The following MOB3B variants were observed in gnomAD, a reference collection of about 807,000 sequenced individuals.
MOB3B encodes MOB kinase activator 3B.
In MOB3B, 7 loss-of-function variants were observed where a neutral mutation model predicts 18.7. The observed-to-expected ratio is 0.37, with a 90% CI of 0.21 to 0.70. MOB3B has a LOEUF of 0.70. Ranked by LOEUF, MOB3B falls within the 30% of genes least tolerant of loss-of-function variation. The pLI is 0.52. For missense variants in MOB3B, 253 were observed against 281.3 expected, an observed-to-expected ratio of 0.90 and a Z score of 0.72; for synonymous variants, 111 against 99.9, an observed-to-expected ratio of 1.11 and a Z score of -0.66.
At chr9:27,498,373 C>A (rs1215484801) in intron 1 of MOB3B, among the ~76,000 whole-genome samples, 1 of 152,100 alleles carries the variant, frequency 6.6e-6, no homozygotes, top group South Asian at 2.1e-4. Flanking sequence ...ATGAGCTGTG[C>A]GAGACCTTTA....
At chr9:27,450,262 T>C (rs1043190704) in intron 2 of MOB3B, among the ~76,000 whole-genome samples, 9 of 152,158 alleles carry the variant, frequency 5.9e-5, no homozygotes, top group Admixed American at 2.0e-4. Flanking sequence ...ATTCTGGACA[T>C]TATGTAAACT....
At chr9:27,451,727 A>C (rs1429184948) in intron 2 of MOB3B, among the ~76,000 whole-genome samples, 1 of 152,060 alleles carries the variant, frequency 6.6e-6, no homozygotes, top group Non-Finnish European at 1.5e-5. Context: ...TTTCTCATCC[A>C]CCCAGGGTCC....
At chr9:27,374,221 T>C (rs957177081) in intron 2 of MOB3B, among the ~76,000 whole-genome samples, 167 of 133,138 alleles carry the variant, frequency 1.3e-3, no homozygotes, top group African/African-American at 4.2e-3. Flanking sequence ...GAAGTATTTT[T>C]TTTTTTTTTT....
chr9:27,387,438 C>T (rs1316951243), intron 2 of MOB3B, among the ~76,000 whole-genome samples: 1 of 152,168 alleles, frequency 6.6e-6, no homozygotes, highest in Non-Finnish European at 1.5e-5. Flanking sequence ...GGTCACTGCA[C>T]TTCAGTTTCC....
chr9:27,523,785 G>A (rs1820380040), intron 1 of MOB3B, among the ~76,000 whole-genome samples: 1 of 152,108 alleles, frequency 6.6e-6, no homozygotes, highest in African/African-American at 2.4e-5. Context: ...TAACAAAATT[G>A]GAAAAACCTA....
At chr9:27,416,787 C>T (rs543740763) in intron 2 of MOB3B, among the ~76,000 whole-genome samples, 125 of 152,174 alleles carry the variant, frequency 8.2e-4, no homozygotes, top group African/African-American at 3.0e-3. Flanking sequence ...CCTCCTGCCT[C>T]AGCCTCCTGA....
intron 2 of MOB3B, among the ~76,000 whole-genome samples, chr9:27,403,985 T>C (rs1275029555): frequency 1.3e-5 from 2 of 152,226 alleles, no homozygotes; most frequent in African/African-American, 4.8e-5. Flanking sequence ...TGCTAAATTA[T>C]TGTTAACTAT....
At chr9:27,433,573 G>C (rs1822448888) in intron 2 of MOB3B, among the ~76,000 whole-genome samples, 1 of 152,116 alleles carries the variant, frequency 6.6e-6, no homozygotes, top group South Asian at 2.1e-4. Flanking sequence ...TGGGGCCAAG[G>C]ATATCAAATG....
At chr9:27,483,384 G>A (rs1291988477) in intron 1 of MOB3B, among the ~76,000 whole-genome samples, 2 of 151,914 alleles carry the variant, frequency 1.3e-5, no homozygotes, top group African/African-American at 4.8e-5. Context: ...CGCCCGCCTC[G>A]GCCTCCCAAA....
At chr9:27,464,737 T>A (rs1451756050) in intron 1 of MOB3B, among the ~76,000 whole-genome samples, 3 of 152,126 alleles carry the variant, frequency 2.0e-5, no homozygotes, top group South Asian at 2.1e-4. Flanking sequence ...TGGGGAGGCC[T>A]CAGAATCATG....
intron 1 of MOB3B, among the ~76,000 whole-genome samples, chr9:27,495,406 G>A (rs546584629): frequency 3.9e-5 from 6 of 152,088 alleles, no homozygotes; most frequent in Non-Finnish European, 7.4e-5. Context: ...AGTCAGGAGG[G>A]ACCGTGAGGC....
chr9:27,337,521 T>G (rs146900782), intron 3 of MOB3B, among the ~76,000 whole-genome samples: 21 of 152,290 alleles, frequency 1.4e-4, no homozygotes, highest in Admixed American at 1.2e-3. Context: ...ATTTCCACAC[T>G]CAATGTTACA....
intron 3 of MOB3B, among the ~76,000 whole-genome samples, chr9:27,353,574 C>A (rs1821139597): frequency 6.6e-6 from 1 of 152,140 alleles, no homozygotes; most frequent in East Asian, 1.9e-4. Flanking sequence ...TTGTTAGAAA[C>A]AAGAAAATGG....
intron 2 of MOB3B, among the ~76,000 whole-genome samples, chr9:27,435,898 G>A (rs535792472): frequency 2.6e-5 from 4 of 152,308 alleles, no homozygotes; most frequent in Non-Finnish European, 5.9e-5. Flanking sequence ...ACCATACCCA[G>A]CCAAGACCAG....
chr9:27,425,141 C>T (rs10812591), intron 2 of MOB3B, among the ~76,000 whole-genome samples: 81,177 of 151,848 alleles, frequency 0.53, 22,196 homozygotes, highest in Non-Finnish European at 0.58. Context: ...TTTGGGAGGC[C>T]GAGGCAGGTG....
chr9:27,343,810 G>A (rs920191341), intron 3 of MOB3B, among the ~76,000 whole-genome samples: 57 of 151,004 alleles, frequency 3.8e-4, no homozygotes, highest in Non-Finnish European at 3.7e-4. Context: ...AAAATTGGTA[G>A]CAGCACTGGT....
At chr9:27,402,216 A>T (rs1421356258) in intron 2 of MOB3B, among the ~76,000 whole-genome samples, 2 of 152,252 alleles carry the variant, frequency 1.3e-5, no homozygotes, top group Non-Finnish European at 2.9e-5. Context: ...TGGTTGAACC[A>T]CATGAAGTTA....
intron 2 of MOB3B, among the ~76,000 whole-genome samples, chr9:27,392,466 A>G (rs1335928698): frequency 1.3e-5 from 2 of 152,200 alleles, no homozygotes; most frequent in Non-Finnish European, 2.9e-5. Flanking sequence ...GGGGATCAAC[A>G]TAAAGTCGCC....
intron 2 of MOB3B, among the ~76,000 whole-genome samples, chr9:27,437,726 C>T (rs779621054): frequency 6.6e-5 from 10 of 152,134 alleles, no homozygotes; most frequent in African/African-American, 2.2e-4. Flanking sequence ...ACAATAGAAG[C>T]GAGAGTCATC....
Sources: gnomAD v4.1 joint callset for allele counts (sites outside exome capture counted in the v4.1 genomes callset) on GRCh38, gnomAD v4.1.1 for gene constraint, MANE v1.5 for transcripts, NCBI Gene and HGNC (gene_info 2026-07-23, HGNC 2026-07-21) for gene names.